PPM1L: variants seen among roughly 807,000 people sequenced by gnomAD.
PPM1L encodes protein phosphatase 1L.
Under a neutral mutation model 31.4 loss-of-function variants are expected in PPM1L, and 13 were observed. That is an observed-to-expected ratio of 0.41 (90% CI 0.27 to 0.66). The LOEUF is 0.66. PPM1L is among the 30% of genes least tolerant of loss of function. The pLI, the probability that PPM1L is intolerant of heterozygous loss-of-function variation, is 0.29. For missense variants in PPM1L, 326 were observed against 453.7 expected (o/e 0.72, Z 2.56); for synonymous variants, 184 against 175.4 (o/e 1.05, Z -0.39).
At chr3:160,757,708 T>C (rs760860952) in intron 1 of PPM1L, among the ~76,000 whole-genome samples, 27 of 152,258 alleles carry the variant, frequency 1.8e-4, no homozygotes, top group Non-Finnish European at 2.4e-4. Context: ...AACGGGTTCA[T>C]TGCTGCATAC....
At chr3:160,927,306 G>A (rs1450563141) in intron 1 of PPM1L, among the ~76,000 whole-genome samples, 4 of 152,142 alleles carry the variant, frequency 2.6e-5, no homozygotes, top group African/African-American at 4.8e-5. Flanking sequence ...TTGTGTCTTT[G>A]AAGTTGTCTG....
chr3:160,851,215 G>C (rs1331656191), intron 1 of PPM1L, among the ~76,000 whole-genome samples: 4 of 152,148 alleles, frequency 2.6e-5, no homozygotes, highest in Non-Finnish European at 1.5e-5. Flanking sequence ...GGTAGCTCCT[G>C]TTGTCAGCGA....
chr3:161,008,028 T>G (rs549203238), intron 2 of PPM1L, among the ~76,000 whole-genome samples: 7 of 152,362 alleles, frequency 4.6e-5, no homozygotes, highest in African/African-American at 1.7e-4. Context: ...CTCCTGGCTC[T>G]GGCTTCTCAT....
intron 1 of PPM1L, among the ~76,000 whole-genome samples, chr3:160,869,295 T>C (rs939858058): frequency 3.3e-5 from 5 of 152,302 alleles, no homozygotes; most frequent in Non-Finnish European, 7.4e-5. Flanking sequence ...ACTATATGAA[T>C]GTCATTACAA....
At chr3:161,047,290 C>A (rs1322470464) in intron 2 of PPM1L, among the ~76,000 whole-genome samples, 3 of 152,136 alleles carry the variant, frequency 2.0e-5, no homozygotes, top group East Asian at 3.9e-4. Flanking sequence ...TTCTTATACA[C>A]CAATAACAGA....
intron 1 of PPM1L, among the ~76,000 whole-genome samples, chr3:160,926,619 A>C (rs1034844684): frequency 6.6e-6 from 1 of 152,192 alleles, no homozygotes; most frequent in African/African-American, 2.4e-5. Flanking sequence ...GAGCAAAAGA[A>C]TCTGTTAGCT....
intron 1 of PPM1L, among the ~76,000 whole-genome samples, chr3:160,928,415 A>T (rs1042729219): frequency 2.6e-5 from 4 of 152,166 alleles, no homozygotes; most frequent in Non-Finnish European, 5.9e-5. Flanking sequence ...GGCCAACTAG[A>T]GTCTTCCTGT....
chr3:160,845,191 T>C (rs1313711171), intron 1 of PPM1L, among the ~76,000 whole-genome samples: 4 of 152,242 alleles, frequency 2.6e-5, no homozygotes, highest in East Asian at 3.9e-4. Flanking sequence ...TTGGCTACTA[T>C]GAATAATGCT....
chr3:160,791,553 G>A (rs977224880), intron 1 of PPM1L, among the ~76,000 whole-genome samples: 2 of 152,212 alleles, frequency 1.3e-5, no homozygotes, highest in African/African-American at 4.8e-5. Context: ...AGCACTTGCT[G>A]TGTGACAGGT....
At chr3:161,049,991 C>G (rs752980600) in intron 2 of PPM1L, among the ~76,000 whole-genome samples, 1 of 152,192 alleles carries the variant, frequency 6.6e-6, no homozygotes, top group Non-Finnish European at 1.5e-5. Flanking sequence ...TTCCCCCGAC[C>G]TTCCTGGCCA....
intron 2 of PPM1L, among the ~76,000 whole-genome samples, chr3:161,018,382 A>G (rs1034929388): frequency 6.6e-6 from 1 of 152,210 alleles, no homozygotes; most frequent in African/African-American, 2.4e-5. Context: ...AATAATATCA[A>G]ATGGTTTTCA....
intron 1 of PPM1L, among the ~76,000 whole-genome samples, chr3:160,914,548 T>C (rs1305544484): frequency 6.6e-6 from 1 of 151,492 alleles, no homozygotes. Context: ...TGTTTGGTTT[T>C]CTGTCCTTGC....
intron 2 of PPM1L, among the ~76,000 whole-genome samples, chr3:160,986,800 C>T (rs567242324): frequency 1.6e-4 from 25 of 152,158 alleles, no homozygotes; most frequent in Non-Finnish European, 2.8e-4. Context: ...TTTTGTTATT[C>T]GTAATGTCAT....
chr3:160,769,068 A>G (rs1175718130), intron 1 of PPM1L, among the ~76,000 whole-genome samples: 2 of 152,200 alleles, frequency 1.3e-5, no homozygotes, highest in Non-Finnish European at 2.9e-5. Flanking sequence ...GCTGTATCAC[A>G]TGCTCATGCC....
chr3:160,863,425 A>T (rs961136131), intron 1 of PPM1L, among the ~76,000 whole-genome samples: 4 of 152,130 alleles, frequency 2.6e-5, no homozygotes, highest in East Asian at 1.9e-4. Context: ...TTTCCACTAA[A>T]TGCCTTTAGT....
At chr3:161,067,631 T>A (rs1402669724) in intron 3 of PPM1L, among the ~76,000 whole-genome samples, 1 of 152,234 alleles carries the variant, frequency 6.6e-6, no homozygotes, top group African/African-American at 2.4e-5. Context: ...ATAATATTAT[T>A]CTCATTTTGT....
chr3:160,928,033 A>G (rs1386702460), intron 1 of PPM1L, among the ~76,000 whole-genome samples: 2 of 152,228 alleles, frequency 1.3e-5, no homozygotes, highest in Non-Finnish European at 2.9e-5. Flanking sequence ...CACTTAATCT[A>G]CTTTCCTGTT....
chr3:160,965,031 C>A (rs112833956), intron 2 of PPM1L, among the ~76,000 whole-genome samples: 1 of 151,894 alleles, frequency 6.6e-6, no homozygotes, highest in Non-Finnish European at 1.5e-5. Context: ...GTGGGCGGAT[C>A]ATGAGGTCAG....
chr3:160,999,785 G>C (rs1717424987), intron 2 of PPM1L, among the ~76,000 whole-genome samples: 1 of 152,154 alleles, frequency 6.6e-6, no homozygotes. Context: ...ACTGTATTCA[G>C]AACTTCACTA....
Sources: gnomAD v4.1 joint callset for allele counts (sites outside exome capture counted in the v4.1 genomes callset) on GRCh38, gnomAD v4.1.1 for gene constraint, MANE v1.5 for transcripts, NCBI Gene and HGNC (gene_info 2026-07-23, HGNC 2026-07-21) for gene names.